The following LOC128125817 variants were observed in gnomAD, a reference collection of about 807,000 sequenced individuals.
chr1:41,592,536 G>A, the LOC128125817 span, among the ~76,000 whole-genome samples: 1 of 152,190 alleles, frequency 6.6e-6, no homozygotes, highest in African/African-American at 2.4e-5. Context: ...GTCAAAGTGA[G>A]CATCCATCTA....
At chr1:41,587,629 AGACTAAAGTTACACCGT>A in the LOC128125817 span, among the ~76,000 whole-genome samples, 1 of 152,232 alleles carries the variant, frequency 6.6e-6, no homozygotes, top group African/African-American at 2.4e-5. Context: ...TCTTCTATGG[AGACTAAAGTTACACCGT>A]GATCTTCTGA....
chr1:41,605,564 A>G, the LOC128125817 span, among the ~76,000 whole-genome samples: 81 of 152,244 alleles, frequency 5.3e-4, no homozygotes, highest in African/African-American at 1.7e-3. Flanking sequence ...AACCAAAAAG[A>G]TAATAAGGGG....
At chr1:41,615,052 CGTT>C in the LOC128125817 span, among the ~76,000 whole-genome samples, 1 of 152,074 alleles carries the variant, frequency 6.6e-6, no homozygotes, top group East Asian at 1.9e-4. Context: ...GTTTGGGAAA[CGTT>C]GTGCCATTTG....
At chr1:41,605,944 T>A in the LOC128125817 span, among the ~76,000 whole-genome samples, 1 of 152,200 alleles carries the variant, frequency 6.6e-6, no homozygotes, top group Non-Finnish European at 1.5e-5. Context: ...ATCTGATGTC[T>A]GGAATGGTAG....
chr1:41,594,764 G>C, the LOC128125817 span, among the ~76,000 whole-genome samples: 20 of 151,708 alleles, frequency 1.3e-4, no homozygotes, highest in Non-Finnish European at 2.9e-5. Context: ...TTCCCTTTAT[G>C]ACTTTTAGGT....
At chr1:41,614,364 G>A in the LOC128125817 span, among the ~76,000 whole-genome samples, 1 of 152,332 alleles carries the variant, frequency 6.6e-6, no homozygotes, top group African/African-American at 2.4e-5. Context: ...AACAGAGGGT[G>A]CAAGTCCCAA....
the LOC128125817 span, among the ~76,000 whole-genome samples, chr1:41,607,349 A>T: frequency 6.6e-6 from 1 of 152,200 alleles, no homozygotes; most frequent in African/African-American, 2.4e-5. Context: ...GTCTTCATGC[A>T]TATCCATTGT....
At chr1:41,619,370 T>G in the LOC128125817 span, among the ~76,000 whole-genome samples, 1 of 152,236 alleles carries the variant, frequency 6.6e-6, no homozygotes, top group Non-Finnish European at 1.5e-5. Context: ...GTATGTTACT[T>G]AAGAAGATAA....
At chr1:41,616,620 C>CTTTT in the LOC128125817 span, among the ~76,000 whole-genome samples, 2 of 112,466 alleles carry the variant, frequency 1.8e-5, no homozygotes, top group African/African-American at 7.0e-5. Context: ...GATGGGGAGC[C>CTTTT]TTTTTTTTTT....
the LOC128125817 span, among the ~76,000 whole-genome samples, chr1:41,609,464 G>C: frequency 2.6e-5 from 4 of 152,214 alleles, no homozygotes; most frequent in African/African-American, 9.6e-5. Context: ...TTTGCCTTTG[G>C]AGGTGGATAA....
the LOC128125817 span, among the ~76,000 whole-genome samples, chr1:41,601,666 T>C: frequency 6.6e-6 from 1 of 152,174 alleles, no homozygotes; most frequent in Non-Finnish European, 1.5e-5. Context: ...GGATTTTATA[T>C]TATTTTGTCT....
the LOC128125817 span, among the ~76,000 whole-genome samples, chr1:41,587,410 G>C: frequency 6.6e-6 from 1 of 152,174 alleles, no homozygotes; most frequent in Non-Finnish European, 1.5e-5. Flanking sequence ...TCAGTCAACA[G>C]GGTGGCCATA....
the LOC128125817 span, among the ~76,000 whole-genome samples, chr1:41,601,724 A>G: frequency 5.0e-3 from 761 of 152,222 alleles, 13 homozygotes; most frequent in African/African-American, 0.017. Context: ...AAATGTCTTT[A>G]ATTTTTTTTC....
the LOC128125817 span, among the ~76,000 whole-genome samples, chr1:41,596,050 C>A: frequency 6.6e-6 from 1 of 152,310 alleles, no homozygotes; most frequent in East Asian, 1.9e-4. Flanking sequence ...AATGTGGCCA[C>A]AGGAAATGTT....
the LOC128125817 span, among the ~76,000 whole-genome samples, chr1:41,587,512 AG>A: frequency 6.6e-6 from 1 of 152,260 alleles, no homozygotes; most frequent in Non-Finnish European, 1.5e-5. Flanking sequence ...AGACAGTCCC[AG>A]GCAAACCAGG....
the LOC128125817 span, among the ~76,000 whole-genome samples, chr1:41,600,593 C>CT: frequency 6.6e-6 from 1 of 152,150 alleles, no homozygotes; most frequent in African/African-American, 2.4e-5. Flanking sequence ...ACAGTTTCAG[C>CT]TTTTCAGAAT....
chr1:41,608,655 G>T, the LOC128125817 span, among the ~76,000 whole-genome samples: 2 of 152,228 alleles, frequency 1.3e-5, no homozygotes, highest in African/African-American at 4.8e-5. Flanking sequence ...AATGTTTTCT[G>T]CTCTGATTGC....
the LOC128125817 span, among the ~76,000 whole-genome samples, chr1:41,598,904 C>G: frequency 0.091 from 13,851 of 151,984 alleles, 690 homozygotes; most frequent in Middle Eastern, 0.18. Context: ...CAACCTCCAC[C>G]TCCTGGGCTC....
At chr1:41,601,137 T>C in the LOC128125817 span, among the ~76,000 whole-genome samples, 9 of 152,314 alleles carry the variant, frequency 5.9e-5, no homozygotes, top group South Asian at 1.2e-3. Flanking sequence ...GTCAGTACCA[T>C]ACTGTTTTGA....
Sources: gnomAD v4.1 joint callset for allele counts (sites outside exome capture counted in the v4.1 genomes callset) on GRCh38, gnomAD v4.1.1 for gene constraint, MANE v1.5 for transcripts.